TSC22D2: variants seen among roughly 807,000 people sequenced by gnomAD.
The protein encoded by TSC22D2 is TSC22 domain family member 2.
A neutral mutation model predicts 50.1 loss-of-function variants in TSC22D2; 5 were observed. That is an observed-to-expected ratio of 0.10 (90% CI 0.05 to 0.21). TSC22D2 has a LOEUF of 0.21. TSC22D2 is among the 10% of genes least tolerant of loss of function. The pLI, the probability that TSC22D2 is intolerant of heterozygous loss-of-function variation, is 1.00. For missense variants in TSC22D2, 1,003 were observed against 1,015.5 expected (o/e 0.99, Z 0.17); for synonymous variants, 501 against 450.1 (o/e 1.11, Z -1.43).
At chr3:150,424,370 A>C (rs1720107067) in intron 1 of TSC22D2, among the ~76,000 whole-genome samples, 1 of 152,186 alleles carries the variant, frequency 6.6e-6, no homozygotes, top group African/African-American at 2.4e-5. Flanking sequence ...AAGGAAAAAT[A>C]GCACTCTGTT....
chr3:150,432,059 C>T (rs1310951091), intron 1 of TSC22D2, among the ~76,000 whole-genome samples: 25 of 152,110 alleles, frequency 1.6e-4, no homozygotes. Context: ...AAATCTAAAT[C>T]TCATTATTCG....
chr3:150,423,453 G>C (rs1244264486), intron 1 of TSC22D2: 1 of 157,960 alleles, frequency 6.3e-6, no homozygotes, highest in Non-Finnish European at 1.4e-5. Context: ...TTTAATTTTT[G>C]TGCTATTTTA....
Position 150,410,921 on chromosome 3 carries a change from C to G in TSC22D2, c.1571C>G (p.Thr524Ser), listed in dbSNP as rs1238538749. The G allele has an allele frequency of 2.5e-6, 4 of 1,614,146 alleles. No individual in the cohort carries two copies. Among genetic ancestry groups the G allele is most frequent in the South Asian group, 1.1e-5 (1 of 91,088 alleles). The change falls in exon 1 of 3, where the codon ACT becomes AGT. Residue 524 changes from threonine (T) to serine (S), a missense_variant. This residue lies in a region of TSC22D2 where 696 missense variants were observed against 647.8 expected (regional missense o/e 1.07). Coordinates refer to ENST00000688009, the MANE Select transcript of TSC22D2 (RefSeq NM_001303264.2). Reference sequence around the variant, plus strand: ...CCAAGCGTGCCTAGTGTGTCTACCACTTCTGTTACTATGCCAAATGTACCC... The same window carrying G: ...CCAAGCGTGCCTAGTGTGTCTACCAGTTCTGTTACTATGCCAAATGTACCC... ...PAPSVPSVST[T>S]SVTMPNVPAP...
At chr3:150,444,062 C>CA (rs112777201) in intron 1 of TSC22D2, among the ~76,000 whole-genome samples, 30,333 of 151,928 alleles carry the variant, frequency 0.2, 3,431 homozygotes, top group African/African-American at 0.29. Context: ...CTATTTACAT[C>CA]AGTTGCCTAT....
chr3:150,456,593 A>T (rs1721198752), intron 1 of TSC22D2, among the ~76,000 whole-genome samples: 1 of 150,686 alleles, frequency 6.6e-6, no homozygotes, highest in South Asian at 2.1e-4. Flanking sequence ...TATAAAACTT[A>T]TACCAGAAAA....
chr3:150,436,682 GATT>G (rs1178003687), intron 1 of TSC22D2, among the ~76,000 whole-genome samples: 1 of 152,170 alleles, frequency 6.6e-6, no homozygotes, highest in Non-Finnish European at 1.5e-5. Context: ...TTCACCAGGT[GATT>G]ACATTATAAA....
At chr3:150,422,986 GA>G in intron 1 of TSC22D2, 1 of 1,213,780 alleles carries the variant, frequency 8.2e-7, no homozygotes, top group Non-Finnish European at 1.2e-6. Flanking sequence ...ATCTTCTTTT[GA>G]AAAGTAGTGA....
At chr3:150,457,930 G>T (rs1000991981) in intron 2 of TSC22D2, among the ~76,000 whole-genome samples, 1 of 152,100 alleles carries the variant, frequency 6.6e-6, no homozygotes, top group African/African-American at 2.4e-5. Flanking sequence ...GACCTTACAG[G>T]ACTGTTAGTC....
At position 150,461,614 on chromosome 3, in the gene TSC22D2, T is replaced by C. The variant is rs756920628; in HGVS notation, c.*2978T>C. On this transcript the variant is annotated 3_prime_UTR_variant, in exon 3 of 3. Coordinates refer to ENST00000688009, the MANE Select transcript of TSC22D2 (RefSeq NM_001303264.2). ...CACAGCTTGCCACACCAAAAACAAA[T>C]AGTAGGGGTTAGGAGGCATTAAATA... 2 of 152,190 alleles carry C rather than the reference T, an allele frequency of 1.3e-5. No individual in the cohort carries two copies. The highest frequency in any genetic ancestry group is 2.9e-5 in the Non-Finnish European group (2 of 68,030). 9.4% of individuals were successfully genotyped at this position (152,190 alleles called of 1,614,324 possible). A position where few individuals can be genotyped will look rare whatever the true frequency, so the allele number is the denominator to read the frequency against.
chr3:150,411,221 T>C lies in TSC22D2; in HGVS notation c.1871T>C (p.Leu624Pro). Residue 624 changes from leucine (L) to proline (P), a missense_variant, in exon 1 of 3, where the codon CTG (leucine) becomes CCG (proline). Physicochemically the swap from Leu to Pro is moderately conservative, Grantham distance 98 (BLOSUM62 -3). This residue lies in a region of TSC22D2 where 696 missense variants were observed against 647.8 expected (regional missense o/e 1.07). Coordinates refer to ENST00000688009, the MANE Select transcript of TSC22D2 (RefSeq NM_001303264.2). ...GTGAAGCCGCCTGTTGCAGATTCCC[T>C]GGCAAACCCCCTTCAGTTAACACCT... ...PVVKPPVADS[L>P]ANPLQLTPMN... is the part of the protein sequence containing the mutation. 4 of 1,614,232 alleles carry C rather than the reference T, an allele frequency of 2.5e-6. No individual in the cohort carries two copies. The highest frequency in any genetic ancestry group is 1.1e-5 in the South Asian group (1 of 91,088).
At chr3:150,418,087 A>G (rs918731864) in intron 1 of TSC22D2, among the ~76,000 whole-genome samples, 1 of 152,060 alleles carries the variant, frequency 6.6e-6, no homozygotes, top group Non-Finnish European at 1.5e-5. Flanking sequence ...CTTTCCTGCC[A>G]CTTGACTATT....
At chr3:150,450,327 G>A (rs1043976684) in intron 1 of TSC22D2, among the ~76,000 whole-genome samples, 2 of 151,996 alleles carry the variant, frequency 1.3e-5, no homozygotes, top group African/African-American at 4.8e-5. Context: ...TGCGGGACTG[G>A]CTACTTGAGA....
Position 150,410,231 on chromosome 3 carries a change from C to T in TSC22D2, c.881C>T (p.Pro294Leu), listed in dbSNP as rs905901508. The T allele has an allele frequency of 3.2e-6, 5 of 1,571,338 alleles. No homozygotes were observed. The highest frequency in any genetic ancestry group is 2.3e-5 in the East Asian group (1 of 42,700). Residue 294 changes from proline (P) to leucine (L), a missense_variant, in exon 1 of 3, where the codon CCG (proline) becomes CTG (leucine). By Grantham distance (98) the Pro-to-Leu change is moderately conservative. Transcript: ENST00000688009. ...AVAQSSAPLP[P>L]FPGAATGPQP... is the part of the protein sequence containing the mutation. ...GCTCAAAGCTCGGCTCCGCTGCCGC[C>T]GTTCCCGGGAGCCGCGACCGGGCCG...
chr3:150,414,107 C>T (rs1719703426), intron 1 of TSC22D2, among the ~76,000 whole-genome samples: 1 of 152,126 alleles, frequency 6.6e-6, no homozygotes, highest in African/African-American at 2.4e-5. Flanking sequence ...TTAATATTAT[C>T]ACACCTTTAA....
rs34550896 is a variant in TSC22D2 at position 150,446,093 on chromosome 3, C to CAA, written c.1959-10963_1959-10962dup. On this transcript the variant is annotated intron_variant, in intron 1 of 2. Coordinates refer to ENST00000688009, the MANE Select transcript of TSC22D2 (RefSeq NM_001303264.2). ...TGGGCAACAGATCGAGACTCCATCT[C>CAA]AAAAAAAAAAAAAAAAAAAAATCAG... Among the ~76,000 whole-genome samples, 856 of 103,978 alleles carry CAA rather than the reference C, an allele frequency of 8.2e-3. 16 individuals carry two copies. Among genetic ancestry groups the CAA allele is most frequent in the African/African-American group, 0.024 (654 of 26,714 alleles). 68.2% of individuals were successfully genotyped at this position (103,978 alleles called of 152,430 possible).
Position 150,461,306 on chromosome 3 carries a change from T to C in TSC22D2, c.*2670T>C, listed in dbSNP as rs572522867. The C allele has an allele frequency of 3.3e-5, 5 of 152,174 alleles. No homozygotes were observed. The highest frequency in any genetic ancestry group is 7.2e-5 in the African/African-American group (3 of 41,430). The allele number at this position is 152,174 out of a possible 1,614,324, so 9.4% of individuals were successfully genotyped here. ...TCAACCCTTCCCCCAGCTGATTGTT[T>C]AGGATCTTAAGTAACTTCCAATTCA... On this transcript the variant is annotated 3_prime_UTR_variant, in exon 3 of 3. Transcript: ENST00000688009.
At chr3:150,413,561 GTTTT>G (rs140269585) in intron 1 of TSC22D2, among the ~76,000 whole-genome samples, 1 of 110,120 alleles carries the variant, frequency 9.1e-6, no homozygotes, top group Non-Finnish European at 1.9e-5. Context: ...TTTGTTTTGT[GTTTT>G]TTTTTTTTAA....
rs1403742888 is a variant in TSC22D2, at chr3:150,460,737, G to GCTAA, written c.*2104_*2107dup. The GCTAA allele has an allele frequency of 3.9e-5, 6 of 152,068 alleles. No homozygotes were observed. Among genetic ancestry groups the GCTAA allele is most frequent in the South Asian group, 2.1e-4 (1 of 4,818 alleles). 9.4% of individuals were successfully genotyped at this position (152,068 alleles called of 1,614,324 possible). A position where few individuals can be genotyped will look rare whatever the true frequency, so the allele number is the denominator to read the frequency against. ...GGTTTGCTGGCTGTGCCCCTCCAGT[G>GCTAA]CTAACTGTGACATGTGATATTTAAT... On this transcript the variant is annotated 3_prime_UTR_variant, in exon 3 of 3. Coordinates refer to ENST00000688009, the MANE Select transcript of TSC22D2 (RefSeq NM_001303264.2).
At chr3:150,456,970 C>G in intron 1 of TSC22D2, 106 bp from the exon 2 acceptor site, 1 of 898,766 alleles carries the variant, frequency 1.1e-6, no homozygotes, top group Non-Finnish European at 1.8e-6. Flanking sequence ...TTTTAAATTA[C>G]TGTATATTTG....
Sources: allele counts gnomAD v4.1 joint callset (sites outside exome capture counted in the v4.1 genomes callset), GRCh38; gene constraint gnomAD v4.1.1; regional missense constraint gnomAD v4.1.1; transcripts MANE v1.5; gene names NCBI Gene and HGNC (gene_info 2026-07-23, HGNC 2026-07-21).